CYB561A3: variants seen among roughly 807,000 people sequenced by gnomAD.
CYB561A3 encodes the protein cytochrome b561 family member A3.
In CYB561A3, 16 loss-of-function variants were observed where a neutral mutation model predicts 25.3. The ratio of observed to expected loss-of-function variants is 0.63; its 90% CI spans 0.43 to 0.96. The LOEUF is 0.96. Among genes scored for constraint, CYB561A3 ranks in the 40% least tolerant of loss-of-function variants. The pLI, the probability that CYB561A3 is intolerant of heterozygous loss-of-function variation, is 0.00. For synonymous variants in CYB561A3, 131 were observed against 129.9 expected, an observed-to-expected ratio of 1.01 and a Z score of -0.06; for missense variants, 219 against 307.5, an observed-to-expected ratio of 0.71 and a Z score of 2.15.
At chr11:61,351,288 T>C (rs961837234) in intron 5 of CYB561A3, 141 bp from the exon 6 acceptor site, 22 of 680,696 alleles carry the variant, frequency 3.2e-5, no homozygotes, top group African/African-American at 6.0e-5. Flanking sequence ...CCCTTTCTTT[T>C]TTTTTTTTTT....
intron 3 of CYB561A3, among the ~76,000 whole-genome samples, chr11:61,355,675 C>G (rs1338514018): frequency 6.7e-6 from 1 of 149,260 alleles, no homozygotes; most frequent in Non-Finnish European, 1.5e-5. Flanking sequence ...GAGCAAAACT[C>G]CATCTCAAAA....
chr11:61,360,528 T>A (rs1326525669), intron 1 of CYB561A3: 1 of 152,220 alleles, frequency 6.6e-6, no homozygotes, highest in African/African-American at 2.4e-5. Context: ...TCCAGTAATA[T>A]TTATTTATGG....
Position 61,350,385 on chromosome 11 carries a change from C to T in CYB561A3, c.*14G>A, listed in dbSNP as rs376788904. On this transcript the variant is annotated 3_prime_UTR_variant, in exon 7 of 7. Coordinates refer to ENST00000294072, the MANE Select transcript of CYB561A3 (RefSeq NM_153611.6). The stretch of plus-strand genomic sequence containing the variant: ...TGCACCACCAGGAGCTCTTGGGAGC[C>T]CCTTCCTGCTGCTTCACTCCCCATC... 4.4e-6 allele frequency: 7 copies of T among 1,608,136 alleles called. No individual in the cohort carries two copies. The South Asian group carries it at 6.7e-5, about 15-fold the overall frequency.
chr11:61,353,813 T>C lies in CYB561A3; in HGVS notation c.364A>G (p.Ile122Val). The C allele has an allele frequency of 6.2e-7, 1 of 1,614,162 alleles. No individual in the cohort carries two copies. The part of the protein sequence containing the change: ...NLYSLHSWLG[I>V]TTVFLFACQW... ...CAGGCGAAGAGGAAGACAGTGGTGA[T>C]GCCCAGCCAGCTGTGAAGGGAGTAG... The change falls in exon 4 of 7, where the codon ATC (isoleucine) becomes GTC (valine). Residue 122 changes from isoleucine (I) to valine (V), a missense_variant. Transcript: ENST00000294072.
At position 61,350,092 on chromosome 11, in the gene CYB561A3, G is replaced by A. The variant is rs543346644; in HGVS notation, c.*307C>T. 8 of 554,526 alleles carry A rather than the reference G, an allele frequency of 1.4e-5. No homozygotes were observed. In the South Asian group the frequency reaches 1.7e-4, roughly 12 times the overall value. 34.4% of individuals were successfully genotyped at this position (554,526 alleles called of 1,614,324 possible). ...GGAGTGCAGAAGCCAAAGCCACCAA[G>A]GAAAGCAGACAGGCAGCAAGCAGCC... On this transcript the variant is annotated 3_prime_UTR_variant, in exon 7 of 7. Coordinates refer to ENST00000294072, the MANE Select transcript of CYB561A3 (RefSeq NM_153611.6).
chr11:61,356,415 A>AAACC, intron 3 of CYB561A3, 115 bp downstream of exon 3: 1 of 223,164 alleles, frequency 4.5e-6, no homozygotes, highest in Non-Finnish European at 8.6e-6. Context: ...AGCCCAACCC[A>AAACC]CCCTACCCCC....
At position 61,354,200 on chromosome 11, in the gene CYB561A3, G is replaced by A. The variant is rs1018071416; in HGVS notation, c.185-208C>T. On this transcript the variant is annotated intron_variant, in intron 3 of 6. Coordinates refer to ENST00000294072, the MANE Select transcript of CYB561A3 (RefSeq NM_153611.6). ...GAGGAGAGAAGGGCCAGTTAAAAAGGGAGGAGTGGTCAGGCAAGGTGGCTC... is the reference window on the plus strand; with the variant it reads ...GAGGAGAGAAGGGCCAGTTAAAAAGAGAGGAGTGGTCAGGCAAGGTGGCTC... The A allele has an allele frequency of 1.5e-5, 9 of 614,974 alleles. No individual in the cohort carries two copies. In the African/African-American group the frequency reaches 1.7e-4, roughly 11 times the overall value. The allele number at this position is 614,974 out of a possible 1,614,324, so 38.1% of individuals were successfully genotyped here.
chr11:61,354,115 G>A (rs1857545492), intron 3 of CYB561A3, 123 bp from the exon 4 acceptor site: 2 of 976,952 alleles, frequency 2.0e-6, no homozygotes. Flanking sequence ...CTAGGGCACT[G>A]GTATCAACTC....
intron 3 of CYB561A3, chr11:61,354,256 C>T: frequency 2.0e-6 from 1 of 499,164 alleles, no homozygotes; most frequent in Non-Finnish European, 3.6e-6. Context: ...TTTTGGGAGG[C>T]CAAGGTGGGA....
intron 3 of CYB561A3, chr11:61,354,749 ATT>A (rs1857575729): frequency 6.6e-6 from 1 of 152,140 alleles, no homozygotes; most frequent in Non-Finnish European, 1.5e-5. Context: ...CATGACAGTC[ATT>A]GTTTCATCAA....
intron 3 of CYB561A3, 109 bp downstream of exon 3, chr11:61,356,415 ACCCTAC>A: frequency 9.0e-6 from 2 of 223,162 alleles, no homozygotes; most frequent in Non-Finnish European, 1.7e-5. Context: ...AGCCCAACCC[ACCCTAC>A]CCCCATAGCC....
At chr11:61,355,429 C>T (rs1364279664) in intron 3 of CYB561A3, among the ~76,000 whole-genome samples, 1 of 152,054 alleles carries the variant, frequency 6.6e-6, no homozygotes, top group Non-Finnish European at 1.5e-5. Context: ...CCTGTAATCC[C>T]AGCACTTTGG....
chr11:61,356,094 GA>G (rs774349495), intron 3 of CYB561A3: 808 of 50,184 alleles, frequency 0.016, 10 homozygotes, highest in South Asian at 0.095. Flanking sequence ...TCCGTCTAGA[GA>G]AAAAAAAAAA....
chr11:61,359,299 T>C (rs138073022), intron 1 of CYB561A3: 1 of 146,906 alleles, frequency 6.8e-6, no homozygotes, highest in Non-Finnish European at 1.5e-5. Context: ...CAGGAGAAAA[T>C]CATGCCACCA....
chr11:61,352,572 A>G, intron 5 of CYB561A3: 1 of 196,126 alleles, frequency 5.1e-6, no homozygotes, highest in South Asian at 7.7e-5. Context: ...GAGGCAGGAG[A>G]ATTGCTTGAA....
chr11:61,357,021 A>T, intron 2 of CYB561A3: 3 of 1,459,378 alleles, frequency 2.1e-6, no homozygotes, highest in Non-Finnish European at 2.8e-6. Context: ...CCCAAGACCC[A>T]GAGTCCTGGG....
chr11:61,359,523 T>C (rs542245746), intron 1 of CYB561A3: 1 of 152,140 alleles, frequency 6.6e-6, no homozygotes, highest in Non-Finnish European at 1.5e-5. Flanking sequence ...TTTTTTTTCT[T>C]TGTAAGAGGA....
chr11:61,350,956 T>A, intron 6 of CYB561A3, 35 bp downstream of exon 6: 1 of 1,594,584 alleles, frequency 6.3e-7, no homozygotes, highest in Non-Finnish European at 8.5e-7. Flanking sequence ...GACCTGGCCC[T>A]GTCCCACCCT....
intron 1 of CYB561A3, chr11:61,358,719 C>G (rs1379723760): frequency 1.3e-5 from 2 of 151,902 alleles, no homozygotes; most frequent in Admixed American, 6.6e-5. Context: ...CTGAGCGAGA[C>G]TCCATCTAAA....
Sources: allele counts gnomAD v4.1 joint callset (sites outside exome capture counted in the v4.1 genomes callset), GRCh38; gene constraint gnomAD v4.1.1; transcripts MANE v1.5; gene names NCBI Gene and HGNC (gene_info 2026-07-23, HGNC 2026-07-21).